RBFOX2: variants seen among roughly 807,000 people sequenced by gnomAD.
RBFOX2 encodes RNA binding protein fox-1 homolog 2.
A neutral mutation model predicts 49.1 loss-of-function variants in RBFOX2; 10 were observed. That is an observed-to-expected ratio of 0.20 (90% CI 0.13 to 0.35). The LOEUF is 0.35. Ranked by LOEUF, RBFOX2 falls within the 10% of genes least tolerant of loss-of-function variation. The pLI, the probability that RBFOX2 is intolerant of heterozygous loss-of-function variation, is 1.00. For synonymous variants in RBFOX2, 183 were observed against 187.4 expected (o/e 0.98, Z 0.19); for missense variants, 323 against 486.9 (o/e 0.66, Z 3.17).
chr22:35,955,942 G>A (rs138243492), intron 1 of RBFOX2, among the ~76,000 whole-genome samples: 3 of 152,230 alleles, frequency 2.0e-5, no homozygotes, highest in East Asian at 3.9e-4. Flanking sequence ...TAGCCTTTTC[G>A]CCTATCTCTA....
At chr22:35,752,186 G>A (rs575471264) in intron 9 of RBFOX2, among the ~76,000 whole-genome samples, 5 of 152,190 alleles carry the variant, frequency 3.3e-5, no homozygotes, top group African/African-American at 1.2e-4. Context: ...GGCCCAATGT[G>A]GGATTCAGAA....
At chr22:35,870,589 C>T (rs1049683380) in intron 1 of RBFOX2, among the ~76,000 whole-genome samples, 5 of 152,156 alleles carry the variant, frequency 3.3e-5, no homozygotes, top group African/African-American at 9.7e-5. Flanking sequence ...TGCAGGAATA[C>T]TTGCAGACAA....
intron 5 of RBFOX2, among the ~76,000 whole-genome samples, chr22:35,767,374 C>T (rs537089486): frequency 5.4e-4 from 82 of 152,216 alleles, no homozygotes; most frequent in African/African-American, 1.8e-3. Context: ...TTACCGCCAA[C>T]GGGCACCATC....
chr22:36,026,354 C>G (rs2059434036), intron 1 of RBFOX2, among the ~76,000 whole-genome samples: 1 of 151,918 alleles, frequency 6.6e-6, no homozygotes, highest in African/African-American at 2.4e-5. Context: ...TTTGTACCCC[C>G]AAGGACCTAA....
chr22:35,909,596 G>A (rs900494805), intron 1 of RBFOX2, among the ~76,000 whole-genome samples: 33 of 152,272 alleles, frequency 2.2e-4, no homozygotes, highest in African/African-American at 7.7e-4. Context: ...AATCTATCAT[G>A]AAAAGTGCAA....
intron 5 of RBFOX2, 52 bp from the exon 7 acceptor site, chr22:35,765,535 G>T: frequency 8.5e-7 from 1 of 1,181,178 alleles, no homozygotes. Context: ...CCACATTAGG[G>T]AACATAAAGT....
At chr22:35,833,071 T>G (rs1166528825) in intron 1 of RBFOX2, among the ~76,000 whole-genome samples, 1 of 152,222 alleles carries the variant, frequency 6.6e-6, no homozygotes, top group Non-Finnish European at 1.5e-5. Context: ...TGTATAATTA[T>G]GCATCAATAA....
intron 1 of RBFOX2, among the ~76,000 whole-genome samples, chr22:35,815,886 C>T (rs1401016649): frequency 2.0e-5 from 3 of 152,104 alleles, no homozygotes; most frequent in Non-Finnish European, 4.4e-5. Flanking sequence ...AGATTTCAAA[C>T]TCTATTTGCC....
upstream of RBFOX2, among the ~76,000 whole-genome samples, chr22:35,964,832 A>G (rs541119132): frequency 1.3e-5 from 2 of 152,330 alleles, no homozygotes; most frequent in East Asian, 3.9e-4. Flanking sequence ...TTGTAAACAT[A>G]TATCCTTTTT....
At chr22:35,887,082 A>G (rs1479785911) in intron 1 of RBFOX2, among the ~76,000 whole-genome samples, 1 of 152,204 alleles carries the variant, frequency 6.6e-6, no homozygotes, top group African/African-American at 2.4e-5. Flanking sequence ...TTAGTCCTTA[A>G]TTTATATATT....
chr22:35,761,547 A>C, intron 6 of RBFOX2, 79 bp from the exon 8 acceptor site: 1 of 1,502,202 alleles, frequency 6.7e-7, no homozygotes, highest in Non-Finnish European at 9.2e-7. Context: ...AGTTGGCTTC[A>C]GCCATCTCTG....
chr22:35,971,884 G>C (rs2056890060), intron 1 of RBFOX2, among the ~76,000 whole-genome samples: 1 of 127,084 alleles, frequency 7.9e-6, no homozygotes, highest in South Asian at 2.7e-4. Context: ...CAAGCTCCTA[G>C]CAGCCTTTCC....
chr22:35,796,959 A>C (rs1206628998), intron 2 of RBFOX2, among the ~76,000 whole-genome samples: 1 of 152,162 alleles, frequency 6.6e-6, no homozygotes, highest in African/African-American at 2.4e-5. Context: ...TTGAAGTGGC[A>C]GGCCCACTTC....
intron 1 of RBFOX2, among the ~76,000 whole-genome samples, chr22:35,886,515 T>G (rs540591170): frequency 1.3e-5 from 2 of 152,286 alleles, no homozygotes; most frequent in South Asian, 4.1e-4. Flanking sequence ...AGAGTGTACT[T>G]ACATAAACTC....
chr22:35,874,907 A>C (rs1157942084), intron 1 of RBFOX2, among the ~76,000 whole-genome samples: 1 of 152,194 alleles, frequency 6.6e-6, no homozygotes, highest in African/African-American at 2.4e-5. Context: ...GGAGCTTCTA[A>C]GGAAATAATT....
At chr22:35,964,141 A>T (rs1362879517), upstream of RBFOX2, among the ~76,000 whole-genome samples, 3 of 152,212 alleles carry the variant, frequency 2.0e-5, no homozygotes, top group East Asian at 1.9e-4. Context: ...CATTTTTTTT[A>T]AAAAGCCAGG....
intron 1 of RBFOX2, among the ~76,000 whole-genome samples, chr22:36,022,100 T>C (rs1296785856): frequency 1.3e-5 from 2 of 152,218 alleles, no homozygotes; most frequent in African/African-American, 2.4e-5. Context: ...TACTATGCTT[T>C]ACAAATGTAT....
chr22:35,790,377 G>A (rs1189289894), intron 2 of RBFOX2, among the ~76,000 whole-genome samples: 1 of 152,130 alleles, frequency 6.6e-6, no homozygotes, highest in Non-Finnish European at 1.5e-5. Context: ...TCATCTAATG[G>A]CAAGTCCATA....
rs551760686 is a variant in RBFOX2, at chr22:35,909,969, T to C, written c.-34+28878A>G. ...AATTTTTAACCTGTACCCAAAGGCA[T>C]AGACAATACAAATGTAATCTATTTT... On this transcript the variant is annotated intron_variant, in intron 1 of 13. Coordinates refer to the RBFOX2 transcript ENST00000359369. 4.6e-5 allele frequency among the ~76,000 whole-genome samples: 7 copies of C among 152,340 alleles called. 1 individual carries two copies. The South Asian group carries it at 1.2e-3, about 27-fold the overall frequency.
Sources: allele counts gnomAD v4.1 joint callset (sites outside exome capture counted in the v4.1 genomes callset), GRCh38; gene constraint gnomAD v4.1.1; transcripts MANE v1.5; gene names NCBI Gene and HGNC (gene_info 2026-07-23, HGNC 2026-07-21).